The following WIPF1 variants were observed in gnomAD, a reference collection of about 807,000 sequenced individuals.
WIPF1 encodes WAS/WASL-interacting protein family member 1.
Under a neutral mutation model 35.4 loss-of-function variants are expected in WIPF1, and 13 were observed. The observed-to-expected ratio is 0.37, with a 90% CI of 0.24 to 0.58. The LOEUF (loss-of-function observed/expected upper bound fraction) is 0.58. Among genes scored for constraint, WIPF1 ranks in the 20% least tolerant of loss-of-function variants. The probability of loss-of-function intolerance (pLI) is 0.74; values close to 1 mark genes in which losing one functional copy is unlikely to be tolerated. For missense variants in WIPF1, 591 were observed against 667.0 expected, an observed-to-expected ratio of 0.89 and a Z score of 1.25; for synonymous variants, 267 against 266.3, an observed-to-expected ratio of 1.00 and a Z score of -0.02.
In WIPF1 at chr2:174,567,960, T is replaced by G. The variant is rs1338363782; in HGVS notation, c.1243A>C (p.Arg415=). 2.5e-6 allele frequency: 4 copies of G among 1,613,990 alleles called. No individual in the cohort carries two copies. Among genetic ancestry groups the G allele is most frequent in the African/African-American group, 1.3e-5 (1 of 74,910 alleles). The part of the protein sequence containing the change: ...SGVDSPRSGP[R]PPLPPDRPSA... ...GGCCTATCAGGAGGAAGGGGAGGCC[T>G]GGGTCCACTCCTGGGACTGTCTACT... The change falls in exon 6 of 8, where the codon AGG becomes CGG. Residue 415 remains arginine (R), a synonymous_variant. Coordinates refer to ENST00000679041, the MANE Select transcript of WIPF1 (RefSeq NM_001375834.1).
chr2:174,597,129 T>G (rs1685845170), intron 1 of WIPF1, among the ~76,000 whole-genome samples: 1 of 152,252 alleles, frequency 6.6e-6, no homozygotes, highest in Non-Finnish European at 1.5e-5. Context: ...AGTTTTGAAC[T>G]TAAATAGCAC....
At chr2:174,585,818 G>T (rs1430606314) in intron 1 of WIPF1, among the ~76,000 whole-genome samples, 3 of 152,158 alleles carry the variant, frequency 2.0e-5, no homozygotes, top group Non-Finnish European at 2.9e-5. Context: ...TGGAGAGAAT[G>T]GAGGCCACAT....
In WIPF1 at chr2:174,571,765, G is replaced by T; in HGVS notation, c.1040C>A (p.Pro347Gln). ...RNLSLSSSTP[P>Q]LPSPGRSGPL... Reference sequence around the variant, plus strand: ...ACCTGAACGTCCTGGCGAAGGTAACGGGGGCGTGGACGAACTGAGGGACAG... The same window carrying T: ...ACCTGAACGTCCTGGCGAAGGTAACTGGGGCGTGGACGAACTGAGGGACAG... The change falls in exon 5 of 8, where the codon CCG becomes CAG. Residue 347 changes from proline to glutamine, a missense_variant. Coordinates refer to ENST00000679041, the MANE Select transcript of WIPF1 (RefSeq NM_001375834.1). The surrounding 1 kb of genome is among the most constrained non-coding windows in gnomAD (Gnocchi z 4.6). 6.2e-7 allele frequency: 1 copy of T among 1,614,218 alleles called. No homozygotes were observed. Among genetic ancestry groups the T allele is most frequent in the Non-Finnish European group, 8.5e-7 (1 of 1,180,038 alleles).
chr2:174,595,516 G>A (rs1685794205), intron 1 of WIPF1, among the ~76,000 whole-genome samples: 1 of 152,060 alleles, frequency 6.6e-6, no homozygotes, highest in Non-Finnish European at 1.5e-5. Flanking sequence ...AAATGAAGGA[G>A]TGCTTAATAA....
chr2:174,610,474 C>T (rs1686307121), intron 1 of WIPF1, among the ~76,000 whole-genome samples: 1 of 151,882 alleles, frequency 6.6e-6, no homozygotes, highest in South Asian at 2.1e-4. Flanking sequence ...TAACAAACCA[C>T]AAAAATTTGG....
intron 1 of WIPF1, among the ~76,000 whole-genome samples, chr2:174,610,483 G>C (rs1686307579): frequency 6.6e-6 from 1 of 152,056 alleles, no homozygotes; most frequent in Admixed American, 6.6e-5. Context: ...ACAAAAATTT[G>C]GGGTATAAAA....
At chr2:174,573,697 C>T (rs867288806) in intron 4 of WIPF1, among the ~76,000 whole-genome samples, 3 of 152,074 alleles carry the variant, frequency 2.0e-5, no homozygotes, top group African/African-American at 4.8e-5. Context: ...AGTTCAAAAA[C>T]GGGCCCATGT....
intron 1 of WIPF1, among the ~76,000 whole-genome samples, chr2:174,589,809 G>T (rs1340391447): frequency 6.6e-6 from 1 of 152,214 alleles, no homozygotes; most frequent in African/African-American, 2.4e-5. Flanking sequence ...GCAACGTTTA[G>T]ATCCATTGCT....
At chr2:174,608,432 T>G (rs143754242) in intron 1 of WIPF1, among the ~76,000 whole-genome samples, 2 of 152,102 alleles carry the variant, frequency 1.3e-5, no homozygotes, top group Admixed American at 6.6e-5. Context: ...AGTGCTGAGG[T>G]TGGAACATCA....
chr2:174,633,021 C>A (rs893229448), intron 1 of WIPF1, among the ~76,000 whole-genome samples: 6 of 152,130 alleles, frequency 3.9e-5, no homozygotes, highest in African/African-American at 1.4e-4. Context: ...GCAAAGGGCT[C>A]CAACCAGTGA....
chr2:174,644,968 ATG>A (rs1408232078), intron 1 of WIPF1, among the ~76,000 whole-genome samples: 1 of 152,164 alleles, frequency 6.6e-6, no homozygotes, highest in Non-Finnish European at 1.5e-5. Flanking sequence ...GTGGTTTTTT[ATG>A]TGTTTGAATG....
chr2:174,601,562 A>G (rs1298848161), upstream of WIPF1, among the ~76,000 whole-genome samples: 1 of 152,256 alleles, frequency 6.6e-6, no homozygotes. Flanking sequence ...TGTGGTGGGT[A>G]GAGGAGAGCT....
At chr2:174,595,112 ATATATAT>A (rs1559155609) in intron 1 of WIPF1, among the ~76,000 whole-genome samples, 283 of 49,142 alleles carry the variant, frequency 5.8e-3, no homozygotes, top group Middle Eastern at 0.012. Context: ...AAAAAAAAAT[ATATATAT>A]ATATATATAT....
chr2:174,659,554 G>A (rs1687713749), intron 1 of WIPF1, among the ~76,000 whole-genome samples: 2 of 152,168 alleles, frequency 1.3e-5, no homozygotes, highest in Admixed American at 6.5e-5. Flanking sequence ...AGGTGAGGAT[G>A]CAGACCACTG....
At chr2:174,636,072 T>C (rs993103834) in intron 1 of WIPF1, among the ~76,000 whole-genome samples, 36 of 152,188 alleles carry the variant, frequency 2.4e-4, no homozygotes, top group African/African-American at 8.7e-4. Context: ...AACTTTAACA[T>C]AGGAATAATG....
chr2:174,600,361 T>G (rs906464997), upstream of WIPF1, among the ~76,000 whole-genome samples: 1 of 152,186 alleles, frequency 6.6e-6, no homozygotes, highest in Non-Finnish European at 1.5e-5. Context: ...CTCCCCTGCT[T>G]AAAACCCTCC....
At chr2:174,583,597 A>G (rs1292195679) in intron 2 of WIPF1, among the ~76,000 whole-genome samples, 1 of 152,230 alleles carries the variant, frequency 6.6e-6, no homozygotes, top group Non-Finnish European at 1.5e-5. Flanking sequence ...ACGGATAGAA[A>G]TGAGTTGATA....
chr2:174,626,410 C>T (rs1404255692), intron 1 of WIPF1, among the ~76,000 whole-genome samples: 3 of 152,132 alleles, frequency 2.0e-5, no homozygotes, highest in African/African-American at 4.8e-5. Flanking sequence ...TAAACCAAGA[C>T]CATTAAGAAA....
At chr2:174,665,242 C>T (rs773736604) in intron 1 of WIPF1, 2 of 152,156 alleles carry the variant, frequency 1.3e-5, no homozygotes, top group Non-Finnish European at 2.9e-5. Context: ...TGTTTTACTA[C>T]GAAGCAAACA....
Sources: gnomAD v4.1 joint callset for allele counts (sites outside exome capture counted in the v4.1 genomes callset) on GRCh38, gnomAD v4.1.1 for gene constraint, Gnocchi (gnomAD v3.1) non-coding constraint, MANE v1.5 for transcripts, NCBI Gene and HGNC (gene_info 2026-07-23, HGNC 2026-07-21) for gene names.